SGCD: variants seen among roughly 807,000 people sequenced by gnomAD.
SGCD encodes the protein sarcoglycan delta.
SGCD carries 18 observed loss-of-function variants against 36.6 expected under a neutral mutation model. That is an observed-to-expected ratio of 0.49 (90% CI 0.34 to 0.73). The LOEUF (loss-of-function observed/expected upper bound fraction) is 0.73. Ranked by LOEUF, SGCD falls within the 30% of genes least tolerant of loss-of-function variation. The pLI, the probability that SGCD is intolerant of heterozygous loss-of-function variation, is 0.01. For synonymous variants in SGCD, 133 were observed against 130.6 expected, an observed-to-expected ratio of 1.02 and a Z score of -0.12; for missense variants, 387 against 346.7, an observed-to-expected ratio of 1.12 and a Z score of -0.92.
chr5:156,686,690 C>T (rs567752778), intron 7 of SGCD, among the ~76,000 whole-genome samples: 88 of 152,312 alleles, frequency 5.8e-4, no homozygotes, highest in Non-Finnish European at 1.2e-3. Flanking sequence ...TTAGATCCAT[C>T]AAATGATTTA....
chr5:155,765,764 T>A, the SGCD span, among the ~76,000 whole-genome samples: 1 of 152,124 alleles, frequency 6.6e-6, no homozygotes, highest in African/African-American at 2.4e-5. Context: ...AAGGATTTTC[T>A]TGAAAATGCT....
the SGCD span, among the ~76,000 whole-genome samples, chr5:155,737,852 T>TTAAG: frequency 6.6e-6 from 1 of 152,124 alleles, no homozygotes; most frequent in African/African-American, 2.4e-5. Flanking sequence ...TTAGTGAGAT[T>TTAAG]TAAGTGATAG....
chr5:156,229,300 A>ATACATACAT (rs1477607808), intron 3 of SGCD, among the ~76,000 whole-genome samples: 1 of 126,180 alleles, frequency 7.9e-6, no homozygotes, highest in Non-Finnish European at 1.7e-5. Flanking sequence ...ATATATATAT[A>ATACATACAT]AAATTAGTTC....
intron 3 of SGCD, among the ~76,000 whole-genome samples, chr5:156,351,603 GTCATCA>G (rs141077881): frequency 0.061 from 9,028 of 149,072 alleles, 293 homozygotes; most frequent in African/African-American, 0.08. Flanking sequence ...TATCGTCGTA[GTCATCA>G]TCATCATCAT....
intron 1 of SGCD, among the ~76,000 whole-genome samples, chr5:155,916,247 T>A (rs1756734085): frequency 6.6e-6 from 1 of 152,092 alleles, no homozygotes; most frequent in Admixed American, 6.6e-5. Flanking sequence ...GAGTGAAAAA[T>A]TTAATTATTT....
At chr5:156,322,655 A>G (rs979113664), upstream of SGCD, among the ~76,000 whole-genome samples, 2 of 152,226 alleles carry the variant, frequency 1.3e-5, no homozygotes, top group African/African-American at 4.8e-5. Context: ...AACTGCATGA[A>G]CACAGGCAAT....
At chr5:156,398,013 C>T (rs1459068543) in intron 3 of SGCD, among the ~76,000 whole-genome samples, 1 of 152,198 alleles carries the variant, frequency 6.6e-6, no homozygotes, top group Non-Finnish European at 1.5e-5. Flanking sequence ...CCCCTTTATA[C>T]AAGTGTTCCA....
intron 1 of SGCD, among the ~76,000 whole-genome samples, chr5:155,952,708 C>T (rs1757570798): frequency 6.6e-6 from 1 of 152,210 alleles, no homozygotes; most frequent in Non-Finnish European, 1.5e-5. Context: ...GATAGCTCTG[C>T]CTGTGCATTA....
the SGCD span, among the ~76,000 whole-genome samples, chr5:155,733,449 T>G: frequency 6.6e-6 from 1 of 152,206 alleles, no homozygotes; most frequent in Non-Finnish European, 1.5e-5. Context: ...AGATCCAAAT[T>G]TATCTTTTTG....
At chr5:156,684,418 C>T (rs537042878) in intron 7 of SGCD, among the ~76,000 whole-genome samples, 11 of 152,270 alleles carry the variant, frequency 7.2e-5, no homozygotes, top group East Asian at 3.9e-4. Flanking sequence ...TGCTCCTCTG[C>T]GCTATAGATT....
At chr5:156,235,165 T>C (rs1379434754) in intron 3 of SGCD, among the ~76,000 whole-genome samples, 2 of 152,216 alleles carry the variant, frequency 1.3e-5, no homozygotes, top group Non-Finnish European at 2.9e-5. Flanking sequence ...GAACCATCAA[T>C]GGCAGAGACT....
At chr5:155,842,528 G>T in the SGCD span, among the ~76,000 whole-genome samples, 1 of 151,844 alleles carries the variant, frequency 6.6e-6, no homozygotes, top group Non-Finnish European at 1.5e-5. Context: ...AGCTGAGATC[G>T]TGCCACTGCA....
the SGCD span, among the ~76,000 whole-genome samples, chr5:155,848,075 G>A: frequency 6.6e-6 from 1 of 152,186 alleles, no homozygotes; most frequent in Non-Finnish European, 1.5e-5. Flanking sequence ...ATAAATGGAT[G>A]AGTGGAATTA....
At chr5:156,579,727 A>T (rs1307688550) in intron 4 of SGCD, among the ~76,000 whole-genome samples, 1 of 152,110 alleles carries the variant, frequency 6.6e-6, no homozygotes, top group Non-Finnish European at 1.5e-5. Context: ...AGAGACTAGG[A>T]TTGCAACTCC....
At position 156,595,039 on chromosome 5, in the gene SGCD, T is replaced by C; in HGVS notation, c.490T>C (p.Leu164=). 1 of 1,611,580 alleles carries C rather than the reference T, an allele frequency of 6.2e-7. No homozygotes were observed. Among genetic ancestry groups the C allele is most frequent in the Non-Finnish European group, 8.5e-7 (1 of 1,178,578 alleles). The change falls in exon 6 of 9, where the codon TTA becomes CTA. Residue 164 remains leucine, a synonymous_variant. Coordinates refer to ENST00000337851, the MANE Select transcript of SGCD (RefSeq NM_000337.6). ...TGAAGTGGTAGTAGGAGCTGAAAGA[T>C]TACGAGTTTTAGGTAAGGAAACTTG... ...NNEVVVGAER[L]RVLGAEGTVF... is the part of the protein sequence containing the mutation.
At chr5:155,997,762 G>A (rs1339370621) in intron 1 of SGCD, among the ~76,000 whole-genome samples, 4 of 152,162 alleles carry the variant, frequency 2.6e-5, no homozygotes, top group African/African-American at 9.7e-5. Flanking sequence ...TCCCATTGGA[G>A]GAATATTTTA....
At chr5:156,267,763 G>C (rs1428033929) in intron 3 of SGCD, among the ~76,000 whole-genome samples, 1 of 152,172 alleles carries the variant, frequency 6.6e-6, no homozygotes, top group Non-Finnish European at 1.5e-5. Flanking sequence ...AATGGCATAT[G>C]ATAGAATTTC....
intron 7 of SGCD, among the ~76,000 whole-genome samples, chr5:156,692,141 T>C (rs58343982): frequency 6.6e-6 from 1 of 152,286 alleles, no homozygotes; most frequent in African/African-American, 2.4e-5. Flanking sequence ...GTATTTACAA[T>C]CCTAAGCATT....
intron 4 of SGCD, among the ~76,000 whole-genome samples, chr5:156,585,529 A>G (rs1469240009): frequency 1.3e-5 from 2 of 152,162 alleles, no homozygotes; most frequent in African/African-American, 4.8e-5. Context: ...ACTGCGACCA[A>G]TGCATTGTGA....
Sources: allele counts gnomAD v4.1 joint callset (sites outside exome capture counted in the v4.1 genomes callset), GRCh38; gene constraint gnomAD v4.1.1; transcripts MANE v1.5; gene names NCBI Gene and HGNC (gene_info 2026-07-23, HGNC 2026-07-21).